The following CPAMD8 variants were observed in gnomAD, a reference collection of about 807,000 sequenced individuals.
CPAMD8 encodes the protein C3 and PZP like alpha-2-macroglobulin domain containing 8, also known as C3 and PZP-like alpha-2-macroglobulin domain-containing protein 8.
CPAMD8 carries 146 observed loss-of-function variants against 224.7 expected under a neutral mutation model. The observed-to-expected ratio is 0.65, with a 90% CI of 0.57 to 0.75. CPAMD8 has a LOEUF of 0.75. Among genes scored for constraint, CPAMD8 ranks in the 30% least tolerant of loss-of-function variants. The pLI is 0.00. For missense variants in CPAMD8, 2,301 were observed against 2,537.5 expected, an observed-to-expected ratio of 0.91 and a Z score of 2.00; for synonymous variants, 966 against 1,044.6, an observed-to-expected ratio of 0.92 and a Z score of 1.45.
rs148855071 is a variant in CPAMD8, at chr19:16,939,452, G to A, written c.2794-1006C>T. On this transcript the variant is annotated intron_variant, in intron 22 of 41. Coordinates refer to ENST00000443236, the MANE Select transcript of CPAMD8 (RefSeq NM_015692.5). ...TCAAGCTCCTGACCTCAAGCGATCC[G>A]CCTGCCTCGGCCTCCGAAAGTGCTG... Among the ~76,000 whole-genome samples the A allele has an allele frequency of 2.8e-3, 419 of 152,102 alleles. 2 individuals are homozygous for A. Among genetic ancestry groups the A allele is most frequent in the African/African-American group, 9.6e-3 (400 of 41,492 alleles).
chr19:17,013,836 GA>G (rs919013683), intron 3 of CPAMD8, among the ~76,000 whole-genome samples: 198 of 142,972 alleles, frequency 1.4e-3, no homozygotes, highest in African/African-American at 3.9e-3. Context: ...ACAGATGGGA[GA>G]AAAAAAAAAA....
Position 16,998,818 on chromosome 19 carries a change from C to T in CPAMD8, c.868-1480G>A, listed in dbSNP as rs375690197. Among the ~76,000 whole-genome samples the T allele has an allele frequency of 4.6e-5, 7 of 152,258 alleles. No homozygotes were observed. The South Asian group carries it at 8.3e-4, about 18-fold the overall frequency. On this transcript the variant is annotated intron_variant, in intron 10 of 41. Transcript: ENST00000443236. ...GTGTTACCCTCTGACCTAGCAATTC[C>T]GCTCCTAGGAAAGAACCCAAGAGAA...
intron 23 of CPAMD8, among the ~76,000 whole-genome samples, chr19:16,933,119 G>A (rs1279820823): frequency 6.6e-6 from 1 of 151,988 alleles, no homozygotes; most frequent in East Asian, 1.9e-4. Context: ...TTCAATAAAT[G>A]GTGCTGGCAC....
At chr19:17,020,472 C>T in intron 2 of CPAMD8, 119 bp from the exon 3 acceptor site, 1 of 737,698 alleles carries the variant, frequency 1.4e-6, no homozygotes, top group African/African-American at 1.7e-5. Flanking sequence ...TGTGGACAAA[C>T]ACACCCTGGG....
rs762532309 is a variant in CPAMD8 at position 16,945,540 on chromosome 19, C to T, written c.2793+9G>A. On this transcript the variant is annotated intron_variant, in intron 22 of 41. Coordinates refer to ENST00000443236, the MANE Select transcript of CPAMD8 (RefSeq NM_015692.5). Reference sequence around the variant, plus strand: ...TGGCTAAGCACCAGAGATGAGGACACGGCCTTACCTCAACCATCACACTGC... The same window carrying T: ...TGGCTAAGCACCAGAGATGAGGACATGGCCTTACCTCAACCATCACACTGC... The T allele has an allele frequency of 1.2e-5, 20 of 1,613,080 alleles. No individual in the cohort carries two copies. The highest frequency in any genetic ancestry group is 8.3e-5 in the Admixed American group (5 of 59,932).
intron 16 of CPAMD8, among the ~76,000 whole-genome samples, chr19:16,975,568 C>A (rs914962839): frequency 6.6e-6 from 1 of 151,946 alleles, no homozygotes; most frequent in Non-Finnish European, 1.5e-5. Context: ...ATTAGCCAGG[C>A]GTGGTGGTGC....
At chr19:16,996,412 G>A (rs748121813) in intron 11 of CPAMD8, among the ~76,000 whole-genome samples, 3 of 152,126 alleles carry the variant, frequency 2.0e-5, no homozygotes, top group Non-Finnish European at 4.4e-5. Flanking sequence ...TTGAGTGGTG[G>A]GTGGGAGGCA....
intron 3 of CPAMD8, among the ~76,000 whole-genome samples, chr19:17,012,020 C>T (rs572674149): frequency 1.3e-5 from 2 of 152,018 alleles, no homozygotes; most frequent in East Asian, 3.9e-4. Context: ...GCAAACTGCC[C>T]CAAATATCTT....
At chr19:16,967,892 T>TATATGTGCATATATACACACACAC (rs71946803) in intron 18 of CPAMD8, among the ~76,000 whole-genome samples, 5 of 49,512 alleles carry the variant, frequency 1.0e-4, no homozygotes, top group African/African-American at 2.7e-4. Context: ...TACACACACA[T>TATATGTGCATATATACACACACAC]GTGTGTGTAT....
intron 1 of CPAMD8, among the ~76,000 whole-genome samples, chr19:17,024,524 A>T (rs1490795418): frequency 3.3e-5 from 5 of 152,230 alleles, no homozygotes; most frequent in Admixed American, 1.3e-4. Context: ...CCTCACATAT[A>T]GTACATGGTG....
chr19:16,944,003 C>A (rs902267810), intron 22 of CPAMD8, among the ~76,000 whole-genome samples: 1 of 152,186 alleles, frequency 6.6e-6, no homozygotes, highest in Non-Finnish European at 1.5e-5. Flanking sequence ...GGATCTTAGT[C>A]CCCTTGCAGG....
At chr19:16,913,845 A>G (rs1190799066) in intron 29 of CPAMD8, among the ~76,000 whole-genome samples, 1 of 152,134 alleles carries the variant, frequency 6.6e-6, no homozygotes, top group East Asian at 1.9e-4. Context: ...GAATTGATGT[A>G]GGTATTAGGG....
chr19:16,986,640 G>A (rs995560238), intron 13 of CPAMD8, among the ~76,000 whole-genome samples: 2 of 152,118 alleles, frequency 1.3e-5, no homozygotes, highest in African/African-American at 4.8e-5. Context: ...AACCCCAGGG[G>A]CCTCGATATG....
chr19:16,929,046 T>C lies in CPAMD8; in HGVS notation c.3040A>G (p.Thr1014Ala). ...GHQNTRSWIS[T>A]SKMGEPVASA... Reference sequence around the variant, plus strand: ...GCCACGGGCTCTCCCATCTTGCTGGTGGAGATCCATGACCTGGTGTTCTGA... The same window carrying C: ...GCCACGGGCTCTCCCATCTTGCTGGCGGAGATCCATGACCTGGTGTTCTGA... Residue 1014 changes from threonine (T) to alanine (A), a missense_variant, in exon 24 of 42, where the codon ACC becomes GCC. This residue lies in a region of CPAMD8 where 1,709 missense variants were observed against 1,753.2 expected (regional missense o/e 0.97). Coordinates refer to ENST00000443236, the MANE Select transcript of CPAMD8 (RefSeq NM_015692.5). 6.2e-7 allele frequency: 1 copy of C among 1,613,726 alleles called. No individual in the cohort carries two copies. The highest frequency in any genetic ancestry group is 2.2e-5 in the East Asian group (1 of 44,892).
intron 23 of CPAMD8, among the ~76,000 whole-genome samples, chr19:16,929,517 C>A (rs912006947): frequency 2.0e-5 from 3 of 152,110 alleles, no homozygotes; most frequent in African/African-American, 7.2e-5. Flanking sequence ...CCAGCCTGGG[C>A]AACATAGCAA....
At chr19:17,010,595 C>T (rs903448399) in intron 5 of CPAMD8, among the ~76,000 whole-genome samples, 1 of 152,098 alleles carries the variant, frequency 6.6e-6, no homozygotes, top group Non-Finnish European at 1.5e-5. Context: ...CGTCCTTGCT[C>T]TTAAAGGATA....
intron 8 of CPAMD8, among the ~76,000 whole-genome samples, chr19:17,003,677 C>G (rs1040803694): frequency 7.3e-5 from 11 of 150,556 alleles, no homozygotes; most frequent in Admixed American, 7.3e-4. Context: ...ACTCAGGAGG[C>G]TGAGGAGGGA....
intron 23 of CPAMD8, among the ~76,000 whole-genome samples, chr19:16,935,092 T>C (rs1187051544): frequency 6.6e-6 from 1 of 152,206 alleles, no homozygotes; most frequent in African/African-American, 2.4e-5. Flanking sequence ...TATGTATTGC[T>C]TTTAAAAATG....
intron 19 of CPAMD8, among the ~76,000 whole-genome samples, chr19:16,952,724 G>T (rs915258419): frequency 6.6e-6 from 1 of 152,038 alleles, no homozygotes; most frequent in Middle Eastern, 3.4e-3. Flanking sequence ...GACAAAAAAA[G>T]ACATAAATAA....
Sources: allele counts gnomAD v4.1 joint callset (sites outside exome capture counted in the v4.1 genomes callset), GRCh38; gene constraint gnomAD v4.1.1; regional missense constraint gnomAD v4.1.1; transcripts MANE v1.5; gene names NCBI Gene and HGNC (gene_info 2026-07-23, HGNC 2026-07-21).